The following CORIN variants were observed in gnomAD, a reference collection of about 807,000 sequenced individuals.
CORIN encodes the protein corin, serine peptidase.
In CORIN, 117 loss-of-function variants were observed where a neutral mutation model predicts 125.3. That is an observed-to-expected ratio of 0.93 (90% confidence interval 0.80 to 1.09). CORIN has a LOEUF of 1.09. Ranked by LOEUF, CORIN falls within the 50% of genes least tolerant of loss-of-function variation. CORIN has a pLI of 0.00. For synonymous variants in CORIN, 450 were observed against 466.4 expected (o/e 0.96, Z 0.45); for missense variants, 1,253 against 1,306.7 (o/e 0.96, Z 0.63).
rs751217895 is a variant in CORIN, at chr4:47,595,773, A to C, written c.3077T>G (p.Phe1026Cys). 2 of 1,613,362 alleles carry C rather than the reference A, an allele frequency of 1.2e-6. No homozygotes were observed. Among genetic ancestry groups the C allele is most frequent in the Non-Finnish European group, 1.7e-6 (2 of 1,179,718 alleles). The change falls in exon 22 of 22, where the codon TTC (phenylalanine) becomes TGC (cysteine). Residue 1026 changes from phenylalanine to cysteine, a missense_variant. Coordinates refer to ENST00000273857, the MANE Select transcript of CORIN (RefSeq NM_006587.4). Reference sequence around the variant, plus strand: ...AATCTGTCTTTTAATCCATTCGACGAAATATGACACATTACTATAAACGCC... The same window carrying C: ...AATCTGTCTTTTAATCCATTCGACGCAATATGACACATTACTATAAACGCC... ...GPGVYSNVSY[F>C]VEWIKRQIYI...
chr4:47,604,128 A>G (rs747998175), intron 19 of CORIN, among the ~76,000 whole-genome samples: 2 of 152,242 alleles, frequency 1.3e-5, no homozygotes, highest in Non-Finnish European at 2.9e-5. Context: ...ACGACCTCCA[A>G]TGGTCATTCC....
intron 4 of CORIN, among the ~76,000 whole-genome samples, chr4:47,753,990 C>T (rs532158729): frequency 7.2e-5 from 11 of 152,294 alleles, no homozygotes; most frequent in African/African-American, 2.4e-4. Context: ...CATTCAGGGT[C>T]CCTCACTTTC....
At chr4:47,721,211 CTCT>C (rs767794765) in intron 5 of CORIN, among the ~76,000 whole-genome samples, 37 of 151,904 alleles carry the variant, frequency 2.4e-4, no homozygotes, top group Non-Finnish European at 2.8e-4. Flanking sequence ...CTATCTCTTA[CTCT>C]TCTTCTAGGA....
At chr4:47,695,954 C>A (rs886604866) in intron 5 of CORIN, among the ~76,000 whole-genome samples, 6 of 152,190 alleles carry the variant, frequency 3.9e-5, no homozygotes, top group Admixed American at 6.5e-5. Flanking sequence ...GCCCAATCCT[C>A]CATGCCACAC....
chr4:47,800,672 AGCCTGAGAGCAG>A (rs1426874127), intron 2 of CORIN, among the ~76,000 whole-genome samples: 1 of 152,202 alleles, frequency 6.6e-6, no homozygotes, highest in Non-Finnish European at 1.5e-5. Flanking sequence ...TTACTGTCTT[AGCCTGAGAGCAG>A]GCCACAGTTG....
chr4:47,734,777 A>G (rs1356450519), intron 5 of CORIN, among the ~76,000 whole-genome samples: 2 of 152,166 alleles, frequency 1.3e-5, no homozygotes. Context: ...CTGCATGTAC[A>G]TTGTAGGATG....
intron 5 of CORIN, among the ~76,000 whole-genome samples, chr4:47,707,744 G>A (rs1026101397): frequency 1.1e-4 from 16 of 152,166 alleles, no homozygotes; most frequent in Non-Finnish European, 2.2e-4. Flanking sequence ...ATGGGGCCCT[G>A]GTGAGAATAT....
chr4:47,642,260 A>G (rs1723262013), intron 15 of CORIN, among the ~76,000 whole-genome samples: 1 of 152,206 alleles, frequency 6.6e-6, no homozygotes, highest in African/African-American at 2.4e-5. Flanking sequence ...CTACCCTCAA[A>G]GAACCGTAGA....
At chr4:47,805,148 A>AT (rs1553919341) in intron 2 of CORIN, among the ~76,000 whole-genome samples, 342 of 129,148 alleles carry the variant, frequency 2.6e-3, no homozygotes, top group South Asian at 6.2e-3. Flanking sequence ...AAAAAAAAAA[A>AT]AATAATAATA....
intron 13 of CORIN, among the ~76,000 whole-genome samples, chr4:47,646,595 G>A (rs892146077): frequency 1.3e-5 from 2 of 152,204 alleles, no homozygotes; most frequent in African/African-American, 4.8e-5. Context: ...CGGCCAGGCC[G>A]TGAAGTACAT....
At chr4:47,743,932 T>TA (rs910492968) in intron 5 of CORIN, among the ~76,000 whole-genome samples, 11 of 151,884 alleles carry the variant, frequency 7.2e-5, no homozygotes, top group African/African-American at 2.2e-4. Flanking sequence ...AGCATCACTG[T>TA]AATAGCTGAA....
chr4:47,681,721 GA>G (rs1393917409), intron 7 of CORIN: 1 of 152,116 alleles, frequency 6.6e-6, no homozygotes, highest in Non-Finnish European at 1.5e-5. Context: ...AGTCATTATG[GA>G]AAACAATATG....
intron 5 of CORIN, among the ~76,000 whole-genome samples, chr4:47,727,181 T>C (rs1727628368): frequency 6.6e-6 from 1 of 152,046 alleles, no homozygotes; most frequent in Non-Finnish European, 1.5e-5. Context: ...GATAAATCAT[T>C]ACTATTTGCT....
At chr4:47,658,287 G>A (rs1724084027) in intron 12 of CORIN, among the ~76,000 whole-genome samples, 1 of 152,190 alleles carries the variant, frequency 6.6e-6, no homozygotes, top group Non-Finnish European at 1.5e-5. Context: ...CTGCATACAG[G>A]GCACACTGGT....
At chr4:47,699,264 A>C (rs1254437664) in intron 5 of CORIN, among the ~76,000 whole-genome samples, 2 of 152,122 alleles carry the variant, frequency 1.3e-5, no homozygotes, top group Non-Finnish European at 2.9e-5. Flanking sequence ...TGTCCCTCTA[A>C]TCCCATCATT....
chr4:47,801,376 G>A (rs958571037), intron 2 of CORIN, among the ~76,000 whole-genome samples: 1 of 152,154 alleles, frequency 6.6e-6, no homozygotes, highest in African/African-American at 2.4e-5. Context: ...CAGAGCAAGA[G>A]GCCTGATAGA....
intron 5 of CORIN, among the ~76,000 whole-genome samples, chr4:47,701,699 A>G (rs1177421656): frequency 6.6e-6 from 1 of 152,106 alleles, no homozygotes; most frequent in Non-Finnish European, 1.5e-5. Flanking sequence ...GTTTTTTTTA[A>G]AAGGCAGAGT....
At chr4:47,609,248 A>AT (rs1030384716) in intron 19 of CORIN, among the ~76,000 whole-genome samples, 22 of 151,340 alleles carry the variant, frequency 1.5e-4, no homozygotes, top group East Asian at 3.9e-4. Context: ...TTATTTATTT[A>AT]TTTTTTTTGA....
intron 4 of CORIN, among the ~76,000 whole-genome samples, chr4:47,760,101 C>A (rs776310711): frequency 1.2e-4 from 18 of 152,194 alleles, no homozygotes; most frequent in Non-Finnish European, 2.4e-4. Flanking sequence ...AAATCACAAT[C>A]TATCTATAGC....
Sources: gnomAD v4.1 joint callset for allele counts (sites outside exome capture counted in the v4.1 genomes callset) on GRCh38, gnomAD v4.1.1 for gene constraint, MANE v1.5 for transcripts, NCBI Gene and HGNC (gene_info 2026-07-23, HGNC 2026-07-21) for gene names.